Variants in OLA1 observed in about 807,000 individuals in gnomAD.
OLA1 encodes obg-like ATPase 1.
OLA1 carries 14 observed loss-of-function variants against 48.4 expected under a neutral mutation model. The observed-to-expected ratio is 0.29, with a 90% confidence interval of 0.19 to 0.45. The LOEUF (loss-of-function observed/expected upper bound fraction) is 0.45. OLA1 is among the 20% of genes least tolerant of loss of function. OLA1 has a pLI of 1.00. For synonymous variants in OLA1, 127 were observed against 150.4 expected, an observed-to-expected ratio of 0.84 and a Z score of 1.14; for missense variants, 325 against 467.1, an observed-to-expected ratio of 0.70 and a Z score of 2.80.
chr2:174,188,360 T>C (rs1032796654), intron 4 of OLA1, among the ~76,000 whole-genome samples: 1 of 146,332 alleles, frequency 6.8e-6, no homozygotes, highest in Non-Finnish European at 1.5e-5. Context: ...CTAATGTTTC[T>C]TTCCTCCTAA....
At chr2:174,076,262 CA>C (rs1684734580) in intron 10 of OLA1, among the ~76,000 whole-genome samples, 1 of 152,154 alleles carries the variant, frequency 6.6e-6, no homozygotes, top group Non-Finnish European at 1.5e-5. Context: ...AAGCAAGCAG[CA>C]GTTCCAGAAA....
intron 7 of OLA1, among the ~76,000 whole-genome samples, chr2:174,104,008 C>T (rs2105354449): frequency 6.6e-6 from 1 of 152,126 alleles, no homozygotes; most frequent in East Asian, 1.9e-4. Context: ...GACATAGAAA[C>T]AGGAGGATGG....
intron 5 of OLA1, among the ~76,000 whole-genome samples, chr2:174,129,419 CT>C (rs1215078404): frequency 1.3e-5 from 2 of 151,510 alleles, no homozygotes; most frequent in Non-Finnish European, 2.9e-5. Context: ...GATGGTGCCA[CT>C]GCACTCCAGC....
chr2:174,093,945 T>C (rs1685185653), intron 7 of OLA1, among the ~76,000 whole-genome samples: 1 of 152,266 alleles, frequency 6.6e-6, no homozygotes, highest in South Asian at 2.1e-4. Flanking sequence ...TAACTACCAC[T>C]ACATATCATT....
At chr2:174,094,972 C>T (rs1403032760) in intron 7 of OLA1, among the ~76,000 whole-genome samples, 3 of 152,196 alleles carry the variant, frequency 2.0e-5, no homozygotes, top group Non-Finnish European at 4.4e-5. Flanking sequence ...TAGCATGTGA[C>T]ATGATTTCCT....
rs1224335977 is a variant in OLA1, at chr2:174,134,718, A to G, written c.549+7107T>C. ...AAACATATAGGGGTAATGGTTGTACAATATTATAAATGTACTTAATGCTAG... is the reference window on the plus strand; with the variant it reads ...AAACATATAGGGGTAATGGTTGTACGATATTATAAATGTACTTAATGCTAG... On this transcript the variant is annotated intron_variant, in intron 5 of 10. Coordinates refer to ENST00000284719, the MANE Select transcript of OLA1 (RefSeq NM_013341.5). Among the ~76,000 whole-genome samples, 7 of 152,044 alleles carry G rather than the reference A, an allele frequency of 4.6e-5. No individual in the cohort carries two copies. In the East Asian group the frequency reaches 1.3e-3, roughly 29 times the overall value.
At chr2:174,236,823 T>A (rs1688861476) in intron 2 of OLA1, among the ~76,000 whole-genome samples, 1 of 152,090 alleles carries the variant, frequency 6.6e-6, no homozygotes, top group African/African-American at 2.4e-5. Context: ...TAAAAATACA[T>A]ATAAAAGTGA....
In OLA1 at chr2:174,211,180, A is replaced by AACACACACAC. The variant is rs10563036; in HGVS notation, c.373+11843_373+11852dup. ...CTTAGCCTCCCTTCCTCCTCCCCAC[A>AACACACACAC]ACACACACACACACACACACACACA... On this transcript the variant is annotated intron_variant, in intron 4 of 10. Transcript: ENST00000284719. Among the ~76,000 whole-genome samples, 507 of 148,742 alleles carry AACACACACAC rather than the reference A, an allele frequency of 3.4e-3. 6 individuals are homozygous for AACACACACAC. The highest frequency in any genetic ancestry group is 7.7e-3 in the South Asian group (36 of 4,696).
At chr2:174,204,258 G>A (rs935300570) in intron 4 of OLA1, among the ~76,000 whole-genome samples, 4 of 151,974 alleles carry the variant, frequency 2.6e-5, no homozygotes, top group African/African-American at 7.2e-5. Context: ...AAAATTAGCC[G>A]GGTGTGGTGG....
chr2:174,105,798 G>A (rs571169728), intron 7 of OLA1, among the ~76,000 whole-genome samples: 105 of 152,036 alleles, frequency 6.9e-4, no homozygotes, highest in Non-Finnish European at 1.2e-3. Flanking sequence ...CAATTGCAAA[G>A]GACTGTTTTT....
chr2:174,184,403 C>A (rs1206064001), intron 4 of OLA1, among the ~76,000 whole-genome samples: 7 of 151,998 alleles, frequency 4.6e-5, no homozygotes, highest in Admixed American at 4.6e-4. Context: ...GAGGAAGATA[C>A]CAGATGAGCC....
intron 2 of OLA1, among the ~76,000 whole-genome samples, chr2:174,237,112 T>C (rs1443791834): frequency 1.3e-5 from 2 of 152,220 alleles, no homozygotes; most frequent in African/African-American, 4.8e-5. Context: ...AAATACACTG[T>C]ATAGCTGTAC....
chr2:174,229,252 A>T, intron 3 of OLA1, 56 bp downstream of exon 3: 1 of 1,526,086 alleles, frequency 6.6e-7, no homozygotes, highest in Non-Finnish European at 9.0e-7. Context: ...TATGACTTTA[A>T]ACATCTGCCC....
At chr2:174,165,198 T>C (rs996559363) in intron 4 of OLA1, among the ~76,000 whole-genome samples, 3 of 152,244 alleles carry the variant, frequency 2.0e-5, no homozygotes, top group African/African-American at 7.2e-5. Flanking sequence ...ACAACTCATA[T>C]ATTACGCTTC....
intron 10 of OLA1, among the ~76,000 whole-genome samples, chr2:174,075,837 G>A (rs1684723913): frequency 6.6e-6 from 1 of 152,124 alleles, no homozygotes; most frequent in Non-Finnish European, 1.5e-5. Context: ...CATTTCTGAT[G>A]TGTCTGCAAA....
chr2:174,100,858 G>A (rs895614763), intron 7 of OLA1, among the ~76,000 whole-genome samples: 5 of 151,992 alleles, frequency 3.3e-5, no homozygotes, highest in Non-Finnish European at 5.9e-5. Context: ...AAGTTGCTCT[G>A]TGTATTTTCT....
intron 7 of OLA1, among the ~76,000 whole-genome samples, chr2:174,102,526 A>G (rs1046652651): frequency 6.6e-6 from 1 of 151,900 alleles, no homozygotes; most frequent in African/African-American, 2.4e-5. Flanking sequence ...AGAGAAAAGC[A>G]CATAGAATGA....
intron 9 of OLA1, chr2:174,080,926 G>C (rs892658925): frequency 1.5e-5 from 7 of 455,248 alleles, no homozygotes; most frequent in Non-Finnish European, 2.8e-5. Context: ...ACAGGATGAA[G>C]AAATTCAGAC....
intron 4 of OLA1, among the ~76,000 whole-genome samples, chr2:174,160,858 G>A (rs1574518293): frequency 1.3e-5 from 2 of 152,218 alleles, no homozygotes; most frequent in East Asian, 1.9e-4. Flanking sequence ...AAATTACTCC[G>A]GGATGTGGAA....
Sources: gnomAD v4.1 joint callset for allele counts (sites outside exome capture counted in the v4.1 genomes callset) on GRCh38, gnomAD v4.1.1 for gene constraint, MANE v1.5 for transcripts, NCBI Gene and HGNC (gene_info 2026-07-23, HGNC 2026-07-21) for gene names.